Variants in UIMC1 observed in about 807,000 individuals in gnomAD.
UIMC1 encodes BRCA1-A complex subunit RAP80.
Under a neutral mutation model 84.9 loss-of-function variants are expected in UIMC1, and 42 were observed. That is an observed-to-expected ratio of 0.49 (90% CI 0.39 to 0.64). The LOEUF is 0.64. Ranked by LOEUF, UIMC1 falls within the 30% of genes least tolerant of loss-of-function variation. UIMC1 has a pLI of 0.00. For synonymous variants in UIMC1, 281 were observed against 293.0 expected (o/e 0.96, Z 0.42); for missense variants, 825 against 847.6 (o/e 0.97, Z 0.33).
In UIMC1 at chr5:176,968,762, C is replaced by T; in HGVS notation, c.993G>A (p.Leu331=). The change falls in exon 6 of 15, where the codon CTG becomes CTA. Residue 331 remains leucine, a synonymous_variant. Coordinates refer to ENST00000511320, the MANE Select transcript of UIMC1 (RefSeq NM_001199298.2). ...CTCCTTGGCCACATTCATTCTGGATCAGAGAAGGAGGTCTAGGTAACACTG... is the reference window on the plus strand; with the variant it reads ...CTCCTTGGCCACATTCATTCTGGATTAGAGAAGGAGGTCTAGGTAACACTG... ...GEPVLPRPPS[L]IQNECGQGEQ... 6.2e-7 allele frequency: 1 copy of T among 1,614,140 alleles called. No homozygotes were observed.
rs137955830 is a variant in UIMC1 at position 176,953,495 on chromosome 5, TAC to T, written c.1340-1920_1340-1919del. On this transcript the variant is annotated intron_variant, in intron 8 of 14. Transcript: ENST00000511320. ...CAAATTTTTTTGAAAACTGGACACATACACACACACACACACACACACACACA... is the reference window on the plus strand; with the variant it reads ...CAAATTTTTTTGAAAACTGGACACATACACACACACACACACACACACACA... Among the ~76,000 whole-genome samples, 796 of 136,552 alleles carry T rather than the reference TAC, an allele frequency of 5.8e-3. 6 individuals are homozygous for T. The highest frequency in any genetic ancestry group is 0.012 in the East Asian group (59 of 4,838). 89.6% of individuals were successfully genotyped at this position (136,552 alleles called of 152,430 possible).
At chr5:177,015,381 T>C (rs1407016740) in intron 1 of UIMC1, among the ~76,000 whole-genome samples, 4 of 152,172 alleles carry the variant, frequency 2.6e-5, no homozygotes, top group Non-Finnish European at 5.9e-5. Flanking sequence ...ATCCCCAGCC[T>C]GCTTGCCTCA....
intron 11 of UIMC1, among the ~76,000 whole-genome samples, chr5:176,910,924 T>C (rs1222733046): frequency 6.6e-6 from 1 of 151,952 alleles, no homozygotes; most frequent in Non-Finnish European, 1.5e-5. Context: ...ACCCCGCCTC[T>C]ACTAAAAATA....
At chr5:176,993,469 G>T (rs1258626291) in intron 1 of UIMC1, among the ~76,000 whole-genome samples, 1 of 152,214 alleles carries the variant, frequency 6.6e-6, no homozygotes, top group South Asian at 2.1e-4. Flanking sequence ...GATTACAGAT[G>T]TGAGCCTCCA....
rs369224392 is a variant in UIMC1, at chr5:176,969,585, G to C, written c.463+16C>G. 6.2e-7 allele frequency: 1 copy of C among 1,611,064 alleles called. No individual in the cohort carries two copies. The highest frequency in any genetic ancestry group is 2.2e-5 in the East Asian group (1 of 44,880). Reference sequence around the variant, plus strand: ...TATACTTGATGAATGGAAGGAGTCAGAACAGGGAGACATGCCTTCAGTGAG... The same window carrying C: ...TATACTTGATGAATGGAAGGAGTCACAACAGGGAGACATGCCTTCAGTGAG... On this transcript the variant is annotated intron_variant, in intron 5 of 14. Transcript: ENST00000511320.
At chr5:176,970,307 A>G (rs1305620629) in intron 4 of UIMC1, 7 of 196,158 alleles carry the variant, frequency 3.6e-5, no homozygotes, top group Admixed American at 1.1e-4. Flanking sequence ...TCAGTTGTGC[A>G]TATTCAAATG....
At chr5:177,008,316 G>T (rs1486634558), upstream of UIMC1, among the ~76,000 whole-genome samples, 1 of 151,918 alleles carries the variant, frequency 6.6e-6, no homozygotes, top group African/African-American at 2.4e-5. Flanking sequence ...CTGCTTCCTT[G>T]AACCTCAGTT....
intron 6 of UIMC1, among the ~76,000 whole-genome samples, chr5:176,963,568 C>T (rs1277178404): frequency 2.0e-5 from 3 of 150,620 alleles, no homozygotes. Context: ...ATCATCTGGT[C>T]ATCACAGAAA....
Position 176,968,996 on chromosome 5 carries a change from T to A in UIMC1, c.759A>T (p.Thr253=). 6.2e-7 allele frequency: 1 copy of A among 1,614,202 alleles called. No homozygotes were observed. The highest frequency in any genetic ancestry group is 1.3e-5 in the African/African-American group (1 of 75,044). The part of the protein sequence containing the change: ...FLKAVQGSGD[T]SRHCLPTLAD... ...CTAGGGTAGGTAGACAGTGCCTAGA[T>A]GTGTCCCCGCTACCCTGGACAGCTT... Residue 253 remains threonine, a synonymous_variant, in exon 6 of 15, where the codon ACA becomes ACT. Transcript: ENST00000511320.
At chr5:176,924,056 G>A (rs573587669) in intron 10 of UIMC1, among the ~76,000 whole-genome samples, 5 of 151,472 alleles carry the variant, frequency 3.3e-5, no homozygotes, top group East Asian at 2.0e-4. Context: ...GGTGGCTCAC[G>A]CGTGTAATCC....
chr5:177,002,825 G>A (rs1425499794), intron 1 of UIMC1, among the ~76,000 whole-genome samples: 1 of 151,892 alleles, frequency 6.6e-6, no homozygotes, highest in African/African-American at 2.4e-5. Context: ...ATAAATATTT[G>A]ATGAGTGAAT....
chr5:176,974,480 T>G (rs565265149), intron 3 of UIMC1, among the ~76,000 whole-genome samples: 482 of 152,156 alleles, frequency 3.2e-3, no homozygotes, highest in Non-Finnish European at 5.3e-3. Context: ...CTTAGCGTAG[T>G]CAAAGATTTC....
At chr5:176,948,242 A>T (rs1197227112) in intron 9 of UIMC1, among the ~76,000 whole-genome samples, 1 of 152,264 alleles carries the variant, frequency 6.6e-6, no homozygotes, top group Non-Finnish European at 1.5e-5. Flanking sequence ...ATTGTCAGAA[A>T]TCAAGAGGGA....
chr5:176,944,719 CTT>C (rs1255582094), intron 9 of UIMC1, among the ~76,000 whole-genome samples: 1 of 152,194 alleles, frequency 6.6e-6, no homozygotes, highest in Non-Finnish European at 1.5e-5. Flanking sequence ...AAACCTAATG[CTT>C]ATAAGTGTGA....
intron 6 of UIMC1, among the ~76,000 whole-genome samples, chr5:176,966,343 G>A (rs540579363): frequency 6.6e-6 from 1 of 152,298 alleles, no homozygotes; most frequent in East Asian, 1.9e-4. Flanking sequence ...ATTCAAAGAG[G>A]TTAAGTGACT....
At chr5:177,007,211 G>A (rs1048757084), upstream of UIMC1, among the ~76,000 whole-genome samples, 1 of 151,664 alleles carries the variant, frequency 6.6e-6, no homozygotes, top group Non-Finnish European at 1.5e-5. Context: ...GTGGTGGCGC[G>A]TGCGTGTAAT....
chr5:176,981,913 G>A (rs1479838556), intron 2 of UIMC1, among the ~76,000 whole-genome samples: 1 of 152,120 alleles, frequency 6.6e-6, no homozygotes, highest in Non-Finnish European at 1.5e-5. Context: ...TAGAAATACA[G>A]GATAAAGGAA....
intron 1 of UIMC1, among the ~76,000 whole-genome samples, chr5:176,997,818 C>T (rs989332630): frequency 6.6e-6 from 1 of 151,990 alleles, no homozygotes; most frequent in Non-Finnish European, 1.5e-5. Context: ...TCTTTCTAAG[C>T]TCTCTCACAG....
intron 8 of UIMC1, 41 bp from the exon 9 acceptor site, chr5:176,951,618 TG>T: frequency 6.8e-7 from 1 of 1,467,090 alleles, no homozygotes; most frequent in Non-Finnish European, 9.2e-7. Flanking sequence ...ATTTTCATTT[TG>T]TGTTTTCATA....
Sources: gnomAD v4.1 joint callset for allele counts (sites outside exome capture counted in the v4.1 genomes callset) on GRCh38, gnomAD v4.1.1 for gene constraint, MANE v1.5 for transcripts, NCBI Gene and HGNC (gene_info 2026-07-23, HGNC 2026-07-21) for gene names.